CSMD2: variants seen among roughly 807,000 people sequenced by gnomAD.
The protein encoded by CSMD2 is CUB and sushi domain-containing protein 2.
A neutral mutation model predicts 398.5 loss-of-function variants in CSMD2; 130 were observed. The observed-to-expected ratio is 0.33, with a 90% CI of 0.28 to 0.38. The LOEUF (loss-of-function observed/expected upper bound fraction) is 0.38, where lower values mean the gene tolerates loss of function less well. CSMD2 is among the 10% of genes least tolerant of loss of function. The pLI, the probability that CSMD2 is intolerant of heterozygous loss-of-function variation, is 1.00. For synonymous variants in CSMD2, 1,828 were observed against 1,908.5 expected (o/e 0.96, Z 1.10); for missense variants, 3,829 against 4,764.9 (o/e 0.80, Z 5.78).
chr1:33,976,652 G>A lies in CSMD2; in HGVS notation c.518-40698C>T, dbSNP rs149098816. Reference sequence around the variant, plus strand: ...AGTCTCCTTATTCCAAATCTTTCCCGCTGCCCCCTCAAAATGCCTGAGATT... The same window carrying A: ...AGTCTCCTTATTCCAAATCTTTCCCACTGCCCCCTCAAAATGCCTGAGATT... On this transcript the variant is annotated intron_variant, in intron 3 of 70. Transcript: ENST00000373381. Among the ~76,000 whole-genome samples, 47 of 152,162 alleles carry A rather than the reference G, an allele frequency of 3.1e-4. 1 individual carries two copies. The East Asian group carries it at 4.5e-3, about 14-fold the overall frequency.
intron 10 of CSMD2, among the ~76,000 whole-genome samples, chr1:33,806,602 C>T (rs540685304): frequency 1.3e-5 from 2 of 152,186 alleles, no homozygotes; most frequent in East Asian, 1.9e-4. Context: ...GATATTGACA[C>T]TAACAGACAC....
intron 40 of CSMD2, among the ~76,000 whole-genome samples, chr1:33,612,534 C>T (rs1047436294): frequency 2.0e-5 from 3 of 152,140 alleles, no homozygotes; most frequent in African/African-American, 7.2e-5. Flanking sequence ...TTGTGTTTTT[C>T]AAGGTCTATC....
intron 3 of CSMD2, among the ~76,000 whole-genome samples, chr1:34,005,942 T>C (rs1647040979): frequency 6.6e-6 from 1 of 152,230 alleles, no homozygotes; most frequent in South Asian, 2.1e-4. Context: ...TGTGCCACTA[T>C]TTTGCTCATC....
chr1:34,093,093 C>G (rs367921116), intron 1 of CSMD2, among the ~76,000 whole-genome samples: 8 of 150,738 alleles, frequency 5.3e-5, no homozygotes, highest in Admixed American at 6.6e-5. Flanking sequence ...CAAGTGGGTC[C>G]CTGACCCCTG....
chr1:33,670,721 C>T (rs1342767429), intron 25 of CSMD2, among the ~76,000 whole-genome samples: 3 of 152,192 alleles, frequency 2.0e-5, no homozygotes, highest in African/African-American at 7.2e-5. Flanking sequence ...TACTGATAGT[C>T]ATACTTTAAA....
chr1:34,084,960 G>A (rs1008834381), intron 2 of CSMD2, among the ~76,000 whole-genome samples: 12 of 152,148 alleles, frequency 7.9e-5, no homozygotes, highest in Non-Finnish European at 1.3e-4. Flanking sequence ...ATTCATAATA[G>A]CAAAGACTTG....
At chr1:33,870,205 A>T (rs1640358745) in intron 5 of CSMD2, 1 of 152,162 alleles carries the variant, frequency 6.6e-6, no homozygotes, top group Non-Finnish European at 1.5e-5. Context: ...TCACACTTCC[A>T]TCAAACAGTA....
At chr1:33,687,310 T>C (rs1645091849) in intron 25 of CSMD2, among the ~76,000 whole-genome samples, 1 of 152,190 alleles carries the variant, frequency 6.6e-6, no homozygotes, top group South Asian at 2.1e-4. Flanking sequence ...TACAAGATGA[T>C]AACATATTGA....
At chr1:34,025,202 C>T (rs147515417) in intron 3 of CSMD2, among the ~76,000 whole-genome samples, 2 of 152,196 alleles carry the variant, frequency 1.3e-5, no homozygotes, top group Non-Finnish European at 2.9e-5. Flanking sequence ...ACGCTGTGGT[C>T]CTTATACAGA....
chr1:33,592,255 C>T (rs1344071015), intron 44 of CSMD2: 4 of 647,254 alleles, frequency 6.2e-6, no homozygotes, highest in Non-Finnish European at 1.1e-5. Flanking sequence ...ACTTTTTGGT[C>T]CACATGGAAA....
In CSMD2 at chr1:33,782,402, G is replaced by A. The variant is rs183740428; in HGVS notation, c.1663+6198C>T. ...ATGTCAGGCCCTATGCTGGGTGCTT[G>A]ACTATACTGAGTCCTCATGAGACCC... On this transcript the variant is annotated intron_variant, in intron 12 of 70. Transcript: ENST00000373381. Among the ~76,000 whole-genome samples the A allele has an allele frequency of 1.8e-4, 27 of 152,288 alleles. No homozygotes were observed. The East Asian group carries it at 5.2e-3, about 29-fold the overall frequency.
intron 3 of CSMD2, among the ~76,000 whole-genome samples, chr1:34,021,195 T>C (rs1273462535): frequency 6.6e-6 from 1 of 152,128 alleles, no homozygotes; most frequent in Non-Finnish European, 1.5e-5. Flanking sequence ...ACACTTCTGT[T>C]TGGAAGTGTT....
At chr1:34,128,059 T>C (rs1662927819) in intron 1 of CSMD2, among the ~76,000 whole-genome samples, 1 of 152,134 alleles carries the variant, frequency 6.6e-6, no homozygotes, top group African/African-American at 2.4e-5. Flanking sequence ...GGCCTCTTCC[T>C]CCACCTTCTC....
In CSMD2 at chr1:33,987,611, T is replaced by C. The variant is rs115633931; in HGVS notation, c.517+44983A>G. Among the ~76,000 whole-genome samples the C allele has an allele frequency of 7.8e-3, 1,190 of 152,262 alleles. 11 individuals are homozygous for C. Among genetic ancestry groups the C allele is most frequent in the African/African-American group, 0.026 (1,087 of 41,542 alleles). On this transcript the variant is annotated intron_variant, in intron 3 of 70. Coordinates refer to ENST00000373381, the MANE Select transcript of CSMD2 (RefSeq NM_001281956.2). ...CATCTCTGCTGTCAATTATAATTCC[T>C]CTGTGGATAAATTGCAAGGCTTGAC... is the stretch of plus-strand genomic sequence containing the variant.
At position 33,962,689 on chromosome 1, in the gene CSMD2, C is replaced by T. The variant is rs542821575; in HGVS notation, c.518-26735G>A. ...TCCAGCCTCTGGACCTTTGTACTTG[C>T]AGCTCCCTCTGCCTGGAATAATCTT... On this transcript the variant is annotated intron_variant, in intron 3 of 70. Coordinates refer to ENST00000373381, the MANE Select transcript of CSMD2 (RefSeq NM_001281956.2). Among the ~76,000 whole-genome samples the T allele has an allele frequency of 3.9e-5, 6 of 152,228 alleles. No homozygotes were observed. In the South Asian group the frequency reaches 1.2e-3, roughly 32 times the overall value.
intron 3 of CSMD2, among the ~76,000 whole-genome samples, chr1:33,976,860 GA>G (rs1273710278): frequency 2.6e-5 from 4 of 152,108 alleles, no homozygotes; most frequent in African/African-American, 4.8e-5. Context: ...CTTGGCATAT[GA>G]AAGCTGTTTG....
rs557411700 is a variant in CSMD2, at chr1:33,580,026, A to G, written c.7387+727T>C. On this transcript the variant is annotated intron_variant, in intron 48 of 70. Transcript: ENST00000373381. ...TTTGTTCATTGTTTGCCTGGAATGT[A>G]GGCCAAAGGTAGCCAGGGGAAAGAG... 2.0e-5 allele frequency among the ~76,000 whole-genome samples: 3 copies of G among 152,288 alleles called. No individual in the cohort carries two copies. In the South Asian group the frequency reaches 6.2e-4, roughly 32 times the overall value.
chr1:33,648,772 T>C (rs923043946), intron 28 of CSMD2, among the ~76,000 whole-genome samples: 4 of 152,204 alleles, frequency 2.6e-5, no homozygotes, highest in Non-Finnish European at 5.9e-5. Flanking sequence ...GGGTAATTTT[T>C]CAAGAGTTTC....
chr1:34,155,493 T>C (rs1362099855), intron 1 of CSMD2, among the ~76,000 whole-genome samples: 1 of 151,272 alleles, frequency 6.6e-6, no homozygotes, highest in Non-Finnish European at 1.5e-5. Context: ...TGCCCAGGGG[T>C]GGGTGGTGGT....
Sources: gnomAD v4.1 joint callset for allele counts (sites outside exome capture counted in the v4.1 genomes callset) on GRCh38, gnomAD v4.1.1 for gene constraint, MANE v1.5 for transcripts, NCBI Gene and HGNC (gene_info 2026-07-23, HGNC 2026-07-21) for gene names.